The following OSBPL10 variants were observed in gnomAD, a reference collection of about 807,000 sequenced individuals.
OSBPL10 encodes the protein oxysterol binding protein like 10.
In OSBPL10, 49 loss-of-function variants were observed where a neutral mutation model predicts 81.7. The observed-to-expected ratio is 0.60, with a 90% CI of 0.48 to 0.76. The LOEUF is 0.76. Among genes scored for constraint, OSBPL10 ranks in the 30% least tolerant of loss-of-function variants. OSBPL10 has a pLI of 0.00. For synonymous variants in OSBPL10, 419 were observed against 383.6 expected (o/e 1.09, Z -1.08); for missense variants, 923 against 987.8 (o/e 0.93, Z 0.88).
rs767260142 is a variant in OSBPL10 at position 31,876,530 on chromosome 3, GAGAA to G, written c.458-22_458-19del. The G allele has an allele frequency of 2.5e-6, 4 of 1,595,098 alleles. No individual in the cohort carries two copies. The highest frequency in any genetic ancestry group is 1.3e-5 in the African/African-American group (1 of 74,598). On this transcript the variant is annotated intron_variant, in intron 2 of 11. Transcript: ENST00000396556. ...ATCAGCAGCTAAAATAGAGAAAACA[GAGAA>G]AGAAATGATTGCAGAGATTGTTCCA...
chr3:31,663,322 G>A (rs1274422020), intron 11 of OSBPL10: 2 of 985,324 alleles, frequency 2.0e-6, no homozygotes, highest in Non-Finnish European at 2.4e-6. Context: ...ACTGGAAGAT[G>A]AGTGGCATCT....
chr3:31,842,183 C>T (rs1363801708), intron 3 of OSBPL10, among the ~76,000 whole-genome samples: 1 of 152,182 alleles, frequency 6.6e-6, no homozygotes, highest in East Asian at 1.9e-4. Context: ...ATGACACACA[C>T]ACTTAAGGTC....
chr3:32,021,824 A>G (rs1364640424), intron 2 of OSBPL10, among the ~76,000 whole-genome samples: 1 of 151,924 alleles, frequency 6.6e-6, no homozygotes, highest in Non-Finnish European at 1.5e-5. Flanking sequence ...AAAAATACCA[A>G]AAAAATTAGC....
At chr3:31,730,383 AGCTTG>A (rs1220808898) in intron 6 of OSBPL10, among the ~76,000 whole-genome samples, 1 of 151,876 alleles carries the variant, frequency 6.6e-6, no homozygotes, top group East Asian at 1.9e-4. Flanking sequence ...AAGTCAAGAG[AGCTTG>A]GTCCACAGTC....
rs1332519976 is a variant in OSBPL10, at chr3:31,668,679, T to A, written c.2059A>T (p.Ile687Phe). 2 of 1,613,916 alleles carry A rather than the reference T, an allele frequency of 1.2e-6. No individual in the cohort carries two copies. The highest frequency in any genetic ancestry group is 1.7e-5 in the Admixed American group (1 of 59,994). Residue 687 changes from isoleucine (I) to phenylalanine (F), a missense_variant, in exon 10 of 12, where the codon ATC becomes TTC. Physicochemically the swap from Ile to Phe is conservative, Grantham distance 21 (BLOSUM62 0). This residue lies in a region of OSBPL10 where 387 missense variants were observed against 436.3 expected (regional missense o/e 0.89). Coordinates refer to ENST00000396556, the MANE Select transcript of OSBPL10 (RefSeq NM_017784.5). ...TTTLPVYPKK[I>F]RPLEKQGPME... ...GGTCCCTGCTTCTCAAGAGGTCTGA[T>A]CTTCTTGGGATACACTGGCAGTGTG...
At chr3:31,670,309 T>C (rs1700290800) in intron 9 of OSBPL10, among the ~76,000 whole-genome samples, 1 of 152,242 alleles carries the variant, frequency 6.6e-6, no homozygotes, top group Non-Finnish European at 1.5e-5. Context: ...AAAAACAATT[T>C]TGTGCTTCCT....
intron 4 of OSBPL10, among the ~76,000 whole-genome samples, chr3:31,757,477 C>T (rs1409575256): frequency 6.6e-6 from 1 of 152,146 alleles, no homozygotes; most frequent in East Asian, 1.9e-4. Context: ...TCAGAAGGCA[C>T]CAACTCTACC....
At chr3:31,747,557 T>G (rs532468752) in intron 5 of OSBPL10, among the ~76,000 whole-genome samples, 1 of 149,164 alleles carries the variant, frequency 6.7e-6, no homozygotes, top group East Asian at 2.0e-4. Context: ...AGACTTATAA[T>G]GTGATGCCAG....
intron 3 of OSBPL10, among the ~76,000 whole-genome samples, chr3:31,865,672 C>T (rs1701162916): frequency 6.6e-6 from 1 of 152,130 alleles, no homozygotes; most frequent in South Asian, 2.1e-4. Context: ...GACTAAGACA[C>T]AACATTTTAA....
At chr3:31,846,487 C>G (rs1345410449) in intron 3 of OSBPL10, among the ~76,000 whole-genome samples, 1 of 151,818 alleles carries the variant, frequency 6.6e-6, no homozygotes, top group Non-Finnish European at 1.5e-5. Flanking sequence ...TTAGCCGGGC[C>G]TGGTGGTGGG....
chr3:32,038,602 G>A (rs768924173), intron 2 of OSBPL10, among the ~76,000 whole-genome samples: 50 of 152,196 alleles, frequency 3.3e-4, no homozygotes, highest in Middle Eastern at 3.4e-3. Flanking sequence ...GATTACAGGC[G>A]TCAGTCATCA....
At chr3:32,041,498 G>C (rs1413387951) in intron 2 of OSBPL10, among the ~76,000 whole-genome samples, 1 of 152,052 alleles carries the variant, frequency 6.6e-6, no homozygotes, top group Non-Finnish European at 1.5e-5. Context: ...AGCACACTTA[G>C]GACAGGCTTT....
chr3:31,846,691 T>C (rs1700642703), intron 3 of OSBPL10, among the ~76,000 whole-genome samples: 1 of 152,142 alleles, frequency 6.6e-6, no homozygotes, highest in Admixed American at 6.5e-5. Context: ...ATTAATCTAG[T>C]GCTAGTGGCC....
intron 1 of OSBPL10, among the ~76,000 whole-genome samples, chr3:31,936,246 C>T (rs1697377841): frequency 1.3e-5 from 2 of 152,130 alleles, no homozygotes; most frequent in South Asian, 4.1e-4. Context: ...TTAAGGTACA[C>T]CAGCAACTCT....
At chr3:31,861,804 C>T (rs949673384) in intron 3 of OSBPL10, among the ~76,000 whole-genome samples, 3 of 152,112 alleles carry the variant, frequency 2.0e-5, no homozygotes, top group Non-Finnish European at 2.9e-5. Flanking sequence ...GGCATCACCT[C>T]GGGTGACTCA....
intron 1 of OSBPL10, among the ~76,000 whole-genome samples, chr3:31,964,974 A>G (rs1189141772): frequency 6.6e-6 from 1 of 152,204 alleles, no homozygotes; most frequent in Non-Finnish European, 1.5e-5. Context: ...AACATTATCA[A>G]CTGAATCAAA....
At chr3:31,738,475 C>G (rs12637785) in intron 5 of OSBPL10, among the ~76,000 whole-genome samples, 3 of 151,548 alleles carry the variant, frequency 2.0e-5, no homozygotes, top group Non-Finnish European at 2.9e-5. Context: ...AAATAGAAAC[C>G]GACAAATTTG....
chr3:31,998,544 G>A (rs1278253485), intron 2 of OSBPL10, among the ~76,000 whole-genome samples: 4 of 152,148 alleles, frequency 2.6e-5, no homozygotes, highest in Non-Finnish European at 5.9e-5. Context: ...TCTGTCACTA[G>A]CAAAACCCAT....
At chr3:31,874,439 T>A (rs1701401077) in intron 3 of OSBPL10, among the ~76,000 whole-genome samples, 1 of 152,012 alleles carries the variant, frequency 6.6e-6, no homozygotes, top group South Asian at 2.1e-4. Flanking sequence ...AAAATACAAA[T>A]TGTCTACTAG....
Sources: gnomAD v4.1 joint callset for allele counts (sites outside exome capture counted in the v4.1 genomes callset) on GRCh38, gnomAD v4.1.1 for gene constraint, gnomAD v4.1.1 regional missense constraint, MANE v1.5 for transcripts, NCBI Gene and HGNC (gene_info 2026-07-23, HGNC 2026-07-21) for gene names.